The following UBE2E1 variants were observed in gnomAD, a reference collection of about 807,000 sequenced individuals.
The protein encoded by UBE2E1 is ubiquitin-conjugating enzyme E2 E1.
A neutral mutation model predicts 21.4 loss-of-function variants in UBE2E1; 6 were observed. The ratio of observed to expected loss-of-function variants is 0.28; its 90% confidence interval spans 0.15 to 0.55. UBE2E1 has a LOEUF of 0.55. Ranked by LOEUF, UBE2E1 falls within the 20% of genes least tolerant of loss-of-function variation. The pLI is 0.93. For missense variants in UBE2E1, 142 were observed against 236.5 expected (o/e 0.60, Z 2.62); for synonymous variants, 87 against 82.7 (o/e 1.05, Z -0.28).
intron 3 of UBE2E1, among the ~76,000 whole-genome samples, chr3:23,874,023 C>A (rs1165999422): frequency 6.6e-6 from 1 of 152,244 alleles, no homozygotes; most frequent in Non-Finnish European, 1.5e-5. Flanking sequence ...AAGTCTGTTT[C>A]TTGAACTCTG....
chr3:23,818,418 G>C (rs1699573234), intron 3 of UBE2E1, among the ~76,000 whole-genome samples: 1 of 152,110 alleles, frequency 6.6e-6, no homozygotes, highest in Non-Finnish European at 1.5e-5. Flanking sequence ...CTTCCTAAAA[G>C]GGAAGGACAA....
intron 5 of UBE2E1, 51 bp from the exon 6 acceptor site, chr3:23,890,458 T>C (rs1354895137): frequency 6.3e-7 from 1 of 1,578,390 alleles, no homozygotes; most frequent in Admixed American, 1.8e-5. Context: ...TCGCTAAAGT[T>C]TAAAATGTTC....
chr3:23,829,047 C>T (rs897284664), intron 3 of UBE2E1, among the ~76,000 whole-genome samples: 4 of 151,472 alleles, frequency 2.6e-5, no homozygotes, highest in African/African-American at 7.3e-5. Context: ...GTGGCAGTTG[C>T]AGAAGGGGCA....
chr3:23,856,678 T>G (rs1458349527), intron 3 of UBE2E1, among the ~76,000 whole-genome samples: 1 of 152,160 alleles, frequency 6.6e-6, no homozygotes, highest in Non-Finnish European at 1.5e-5. Flanking sequence ...CAATGGGAAC[T>G]CCTGTTGATT....
chr3:23,807,642 C>T, intron 2 of UBE2E1: 1 of 467,734 alleles, frequency 2.1e-6, no homozygotes, highest in Non-Finnish European at 3.6e-6. Context: ...TCTCGCATTT[C>T]TTGCTGAAGT....
chr3:23,849,909 C>G (rs1700285357), intron 3 of UBE2E1, among the ~76,000 whole-genome samples: 1 of 152,084 alleles, frequency 6.6e-6, no homozygotes, highest in Admixed American at 6.6e-5. Context: ...ATTTCTGGCT[C>G]TAGATCCTTG....
chr3:23,848,799 A>G (rs1700263407), intron 3 of UBE2E1, among the ~76,000 whole-genome samples: 1 of 152,180 alleles, frequency 6.6e-6, no homozygotes, highest in South Asian at 2.1e-4. Flanking sequence ...AGCATTAGCA[A>G]GAAAGTCCTA....
intron 3 of UBE2E1, among the ~76,000 whole-genome samples, chr3:23,872,374 G>A (rs1187998959): frequency 1.2e-4 from 17 of 146,736 alleles, no homozygotes; most frequent in Admixed American, 1.1e-3. Flanking sequence ...AAAGAGGGGA[G>A]GGGGAGGGGG....
intron 3 of UBE2E1, among the ~76,000 whole-genome samples, chr3:23,854,164 A>G (rs1050021659): frequency 1.5e-4 from 22 of 150,806 alleles, no homozygotes; most frequent in African/African-American, 5.4e-4. Context: ...AGGCTGAGGC[A>G]GGAGAATCGC....
chr3:23,883,422 T>G (rs1701100568), intron 3 of UBE2E1, among the ~76,000 whole-genome samples: 1 of 152,158 alleles, frequency 6.6e-6, no homozygotes, highest in African/African-American at 2.4e-5. Context: ...TTGTTAATAT[T>G]GTCCTCCACC....
chr3:23,806,901 T>A lies in UBE2E1; in HGVS notation c.-33-336T>A, dbSNP rs1163761855. ...GCCGGCCGCCGGGACCTTCCCTCCC[T>A]GCCCCGCCGTGGCGCCCCGCGCCCC... On this transcript the variant is annotated intron_variant, in intron 1 of 5. Transcript: ENST00000306627. This position sits in a 1 kb window ranked among gnomAD's most constrained non-coding sequence, Gnocchi z 6.5. 1 of 168,060 alleles carries A rather than the reference T, an allele frequency of 6.0e-6. No homozygotes were observed. The highest frequency in any genetic ancestry group is 6.4e-5 in the Admixed American group (1 of 15,570). 10.4% of individuals were successfully genotyped at this position (168,060 alleles called of 1,614,324 possible). A position where few individuals can be genotyped will look rare whatever the true frequency, so the allele number is the denominator to read the frequency against.
chr3:23,815,228 C>A (rs1286402855), intron 3 of UBE2E1, among the ~76,000 whole-genome samples: 2 of 152,246 alleles, frequency 1.3e-5, no homozygotes, highest in East Asian at 3.8e-4. Flanking sequence ...GCCGTCCACC[C>A]ACTTTGCCCT....
At chr3:23,822,856 G>A (rs1262303689) in intron 3 of UBE2E1, among the ~76,000 whole-genome samples, 1 of 9,948 alleles carries the variant, frequency 1.0e-4, no homozygotes, top group Admixed American at 8.1e-4. Flanking sequence ...CCCCGCCACC[G>A]CCCTTCCAGA....
chr3:23,821,726 AT>A (rs1699649880), intron 3 of UBE2E1, among the ~76,000 whole-genome samples: 1 of 152,100 alleles, frequency 6.6e-6, no homozygotes, highest in Non-Finnish European at 1.5e-5. Context: ...TGTTTTACTG[AT>A]AGGTAGACTC....
chr3:23,836,345 A>G lies in UBE2E1; in HGVS notation c.203+24835A>G, dbSNP rs548922426. ...TTTCACTTAGTCCTCACAAGTTTTC[A>G]CCTATAATGTATTTACTCATTAAAC... is the stretch of plus-strand genomic sequence containing the variant. On this transcript the variant is annotated intron_variant, in intron 3 of 5. Coordinates refer to ENST00000306627, the MANE Select transcript of UBE2E1 (RefSeq NM_003341.5). This position sits in a 1 kb window ranked among gnomAD's most constrained non-coding sequence, Gnocchi z 4.1. Among the ~76,000 whole-genome samples the G allele has an allele frequency of 2.6e-5, 4 of 152,344 alleles. No individual in the cohort carries two copies. The highest frequency in any genetic ancestry group is 9.6e-5 in the African/African-American group (4 of 41,578).
chr3:23,829,777 CTACTT>C (rs1175481847), intron 3 of UBE2E1, among the ~76,000 whole-genome samples: 1 of 152,168 alleles, frequency 6.6e-6, no homozygotes, highest in Admixed American at 6.5e-5. Flanking sequence ...GCTTAGCTCA[CTACTT>C]TCTATAAATA....
chr3:23,842,065 AAACCTTTATTGTAACTAG>A lies in UBE2E1; in HGVS notation c.203+30556_203+30573del. Among the ~76,000 whole-genome samples, 1 of 152,190 alleles carries A rather than the reference AAACCTTTATTGTAACTAG, an allele frequency of 6.6e-6. No individual in the cohort carries two copies. The stretch of plus-strand genomic sequence containing the variant: ...TGAATCAGAAAATGCATTTACCTTA[AAACCTTTATTGTAACTAG>A]GTGAAAGTAAATGTGGTGTAACTTT... On this transcript the variant is annotated intron_variant, in intron 3 of 5. Transcript: ENST00000306627. This position sits in a 1 kb window ranked among gnomAD's most constrained non-coding sequence, Gnocchi z 4.6.
rs1029179434 is a variant in UBE2E1, at chr3:23,810,561, C to A, written c.153-899C>A. The A allele has an allele frequency of 5.9e-6, 9 of 1,522,516 alleles. No homozygotes were observed. The highest frequency in any genetic ancestry group is 6.1e-6 in the Non-Finnish European group (7 of 1,138,314). The allele number at this position is 1,522,516 out of a possible 1,614,324, so 94.3% of individuals were successfully genotyped here. ...GAGGTGGGCCGAGAGTCCCGGCCAG[C>A]GTGCGGGGCGGAGGCAGGGTCCGGT... On this transcript the variant is annotated intron_variant, in intron 2 of 5. Transcript: ENST00000306627. The surrounding 1 kb of genome is among the most constrained non-coding windows in gnomAD (Gnocchi z 5.8).
chr3:23,838,876 GT>G (rs35492575), intron 3 of UBE2E1, among the ~76,000 whole-genome samples: 90,667 of 144,296 alleles, frequency 0.63, 28,414 homozygotes, highest in Admixed American at 0.69. Flanking sequence ...TTTGGGTTGA[GT>G]TTTTTTTTTT....
Sources: allele counts gnomAD v4.1 joint callset (sites outside exome capture counted in the v4.1 genomes callset), GRCh38; gene constraint gnomAD v4.1.1; non-coding constraint Gnocchi (gnomAD v3.1); transcripts MANE v1.5; gene names NCBI Gene and HGNC (gene_info 2026-07-23, HGNC 2026-07-21).